The following BTAF1 variants were observed in gnomAD, a reference collection of about 807,000 sequenced individuals.
BTAF1 encodes TATA-binding protein-associated factor 172.
A neutral mutation model predicts 227.1 loss-of-function variants in BTAF1; 38 were observed. That is an observed-to-expected ratio of 0.17 (90% CI 0.13 to 0.22). BTAF1 has a LOEUF of 0.22. Ranked by LOEUF, BTAF1 falls within the 10% of genes least tolerant of loss-of-function variation. The probability of loss-of-function intolerance (pLI) is 1.00; values close to 1 mark genes in which losing one functional copy is unlikely to be tolerated. For missense variants in BTAF1, 1,598 were observed against 2,204.0 expected (o/e 0.73, Z 5.51); for synonymous variants, 742 against 751.9 (o/e 0.99, Z 0.21).
intron 6 of BTAF1, among the ~76,000 whole-genome samples, 198 bp downstream of exon 6, chr10:91,954,071 C>CT (rs1342874351): frequency 6.6e-6 from 1 of 152,176 alleles, no homozygotes; most frequent in Non-Finnish European, 1.5e-5. Flanking sequence ...CATGTACAGA[C>CT]TTTTTTCCTA....
At chr10:91,980,214 T>TA (rs1847971016) in intron 14 of BTAF1, among the ~76,000 whole-genome samples, 1 of 152,172 alleles carries the variant, frequency 6.6e-6, no homozygotes, top group African/African-American at 2.4e-5. Context: ...TTGTTAATGA[T>TA]AATCAGACTT....
chr10:92,027,471 GAA>G, intron 37 of BTAF1, among the ~76,000 whole-genome samples, 171 bp downstream of exon 37: 1 of 134,256 alleles, frequency 7.4e-6, no homozygotes, highest in South Asian at 2.3e-4. Context: ...GGGGATGTGT[GAA>G]GTTTTGATTT....
At chr10:91,932,848 C>G (rs933450651) in intron 1 of BTAF1, among the ~76,000 whole-genome samples, 6 of 152,212 alleles carry the variant, frequency 3.9e-5, no homozygotes, top group African/African-American at 1.4e-4. Context: ...ATTTTATTCT[C>G]TTGTTAGAGA....
chr10:91,999,315 T>G (rs1849346381), intron 25 of BTAF1, among the ~76,000 whole-genome samples: 1 of 152,192 alleles, frequency 6.6e-6, no homozygotes, highest in Non-Finnish European at 1.5e-5. Context: ...TGGTTATATC[T>G]GGTAAAATTG....
chr10:91,998,769 G>A (rs780653450), intron 25 of BTAF1, among the ~76,000 whole-genome samples: 6 of 151,988 alleles, frequency 3.9e-5, no homozygotes, highest in Non-Finnish European at 8.8e-5. Context: ...AGTTATTATG[G>A]GCTGGGTGAG....
chr10:91,980,136 C>T (rs963898939), intron 14 of BTAF1, among the ~76,000 whole-genome samples: 4 of 152,022 alleles, frequency 2.6e-5, no homozygotes, highest in Non-Finnish European at 4.4e-5. Flanking sequence ...TATGGTATAA[C>T]CAGAGAGATG....
intron 25 of BTAF1, among the ~76,000 whole-genome samples, chr10:92,007,044 G>T (rs891524943): frequency 2.3e-4 from 34 of 145,280 alleles, no homozygotes; most frequent in African/African-American, 7.8e-4. Flanking sequence ...TCATATTTGG[G>T]TTTTTTTTTT....
At chr10:91,982,327 C>A (rs1848123092) in intron 17 of BTAF1, 102 bp downstream of exon 17, 2 of 1,493,046 alleles carry the variant, frequency 1.3e-6, no homozygotes, top group Admixed American at 3.8e-5. Context: ...ATCAGTCCTT[C>A]CTTCCTTCAT....
intron 16 of BTAF1, 118 bp downstream of exon 16, chr10:91,981,910 A>G: frequency 7.3e-7 from 1 of 1,372,826 alleles, no homozygotes; most frequent in Non-Finnish European, 9.7e-7. Context: ...AAGTAAGGAG[A>G]AACCGTTATT....
At chr10:91,935,972 A>G (rs1227808075) in intron 2 of BTAF1, among the ~76,000 whole-genome samples, 192 bp downstream of exon 2, 2 of 150,158 alleles carry the variant, frequency 1.3e-5, no homozygotes, top group East Asian at 2.0e-4. Flanking sequence ...TTGAGTATAG[A>G]TCGTTTTGCC....
chr10:91,983,066 A>G (rs1005467792), intron 18 of BTAF1, among the ~76,000 whole-genome samples: 1 of 152,240 alleles, frequency 6.6e-6, no homozygotes, highest in African/African-American at 2.4e-5. Flanking sequence ...AAAGTAGTCC[A>G]GAAACTATTG....
rs759163823 is a variant in BTAF1 at position 91,951,538 on chromosome 10, C to G, written c.536C>G (p.Thr179Ser). 6.2e-7 allele frequency: 1 copy of G among 1,603,212 alleles called. No individual in the cohort carries two copies. The highest frequency in any genetic ancestry group is 1.1e-5 in the South Asian group (1 of 87,644). ...FNDEDLDYTP[T>S]SASFVNKQPT... The stretch of plus-strand genomic sequence containing the variant: ...GATGAGGATTTGGATTATACCCCAA[C>G]TTCAGCATCCTTTGTTAACAAACAA... Residue 179 changes from threonine (T) to serine (S), a missense_variant, in exon 5 of 38, where the codon ACT (threonine) becomes AGT (serine). By Grantham distance (58) the Thr-to-Ser change is moderately conservative. Transcript: ENST00000265990.
In BTAF1 at chr10:91,989,259, A is replaced by G. The variant is rs1848597088; in HGVS notation, c.2533A>G (p.Thr845Ala). 1 of 1,614,210 alleles carries G rather than the reference A, an allele frequency of 6.2e-7. No individual in the cohort carries two copies. The highest frequency in any genetic ancestry group is 2.2e-5 in the East Asian group (1 of 44,882). Residue 845 changes from threonine to alanine, a missense_variant, in exon 20 of 38, where the codon ACC becomes GCC. Physicochemically the swap from Thr to Ala is moderately conservative, Grantham distance 58. Coordinates refer to ENST00000265990, the MANE Select transcript of BTAF1 (RefSeq NM_003972.3). ...RQQVQMTVTE[T>A]NQEWQVLQLR... ...GCAGGTCCAAATGACAGTTACAGAG[A>G]CCAACCAGGAGTGGCAAGTGTTGCA...
chr10:91,991,265 A>AATAT (rs375232605), intron 20 of BTAF1, among the ~76,000 whole-genome samples: 1 of 90,074 alleles, frequency 1.1e-5, no homozygotes, highest in Admixed American at 1.5e-4. Context: ...TATAAATATA[A>AATAT]ATATAAATAT....
intron 3 of BTAF1, among the ~76,000 whole-genome samples, chr10:91,941,423 A>G (rs1412305246): frequency 6.6e-6 from 1 of 152,246 alleles, no homozygotes; most frequent in Non-Finnish European, 1.5e-5. Context: ...TGCAGATGCC[A>G]GCTAAACAAA....
At chr10:92,004,546 C>T (rs1849751545) in intron 25 of BTAF1, among the ~76,000 whole-genome samples, 1 of 152,188 alleles carries the variant, frequency 6.6e-6, no homozygotes, top group Non-Finnish European at 1.5e-5. Flanking sequence ...TGGCTCACTG[C>T]AGCTTCGACC....
chr10:92,026,680 G>A lies in BTAF1; in HGVS notation c.5164G>A (p.Val1722Ile), dbSNP rs1350023844. The A allele has an allele frequency of 1.2e-6, 2 of 1,614,002 alleles. No homozygotes were observed. Among genetic ancestry groups the A allele is most frequent in the Non-Finnish European group, 1.7e-6 (2 of 1,179,974 alleles). Residue 1722 changes from valine to isoleucine, a missense_variant, in exon 36 of 38, where the codon GTA (valine) becomes ATA (isoleucine). Physicochemically the swap from Val to Ile is conservative, Grantham distance 29 (BLOSUM62 3). Coordinates refer to ENST00000265990, the MANE Select transcript of BTAF1 (RefSeq NM_003972.3). Reference sequence around the variant, plus strand: ...TAATTTGACAGGCGCTGACACAGTAGTATTTGTGGAGCATGACTGGAATCC... The same window carrying A: ...TAATTTGACAGGCGCTGACACAGTAATATTTGTGGAGCATGACTGGAATCC... ...GLNLTGADTVVFVEHDWNPMR... is the reference protein window; with the variant it reads ...GLNLTGADTVIFVEHDWNPMR...
At chr10:91,925,512 ATC>A (rs1291030841) in intron 1 of BTAF1, among the ~76,000 whole-genome samples, 1 of 76,440 alleles carries the variant, frequency 1.3e-5, no homozygotes, top group African/African-American at 3.0e-5. Flanking sequence ...GGCAACGCTA[ATC>A]TCTTTTTTTT....
At chr10:91,991,793 GTGTGTATATATATATATATATATA>G (rs149706768) in intron 20 of BTAF1, among the ~76,000 whole-genome samples, 38 of 83,462 alleles carry the variant, frequency 4.6e-4, no homozygotes, top group East Asian at 2.0e-3. Context: ...GTGTGTGTGT[GTGTGTATATATATATATATATATA>G]TATATATATA....
Sources: gnomAD v4.1 joint callset for allele counts (sites outside exome capture counted in the v4.1 genomes callset) on GRCh38, gnomAD v4.1.1 for gene constraint, MANE v1.5 for transcripts, NCBI Gene and HGNC (gene_info 2026-07-23, HGNC 2026-07-21) for gene names.